PARD3: variants seen among roughly 807,000 people sequenced by gnomAD.
PARD3 encodes par-3 family cell polarity regulator, also known as partitioning defective 3 homolog.
A neutral mutation model predicts 155.4 loss-of-function variants in PARD3; 75 were observed. The observed-to-expected ratio is 0.48, with a 90% CI of 0.40 to 0.58. PARD3 has a LOEUF of 0.58. PARD3 is among the 20% of genes least tolerant of loss of function. The pLI, the probability that PARD3 is intolerant of heterozygous loss-of-function variation, is 0.00. For synonymous variants in PARD3, 576 were observed against 610.5 expected (o/e 0.94, Z 0.83); for missense variants, 1,642 against 1,721.7 (o/e 0.95, Z 0.82).
At chr10:34,120,149 C>T (rs1156637720) in intron 23 of PARD3, among the ~76,000 whole-genome samples, 3 of 149,004 alleles carry the variant, frequency 2.0e-5, no homozygotes, top group East Asian at 2.0e-4. Context: ...CCCGAGTAAC[C>T]GGGATTACAA....
At chr10:34,277,908 A>T (rs1272362973) in intron 21 of PARD3, among the ~76,000 whole-genome samples, 2 of 152,164 alleles carry the variant, frequency 1.3e-5, no homozygotes, top group Non-Finnish European at 2.9e-5. Flanking sequence ...CTAGTTTGCT[A>T]AATTATACAT....
At chr10:34,129,302 G>A (rs768298162) in intron 23 of PARD3, among the ~76,000 whole-genome samples, 2 of 152,086 alleles carry the variant, frequency 1.3e-5, no homozygotes, top group Non-Finnish European at 2.9e-5. Context: ...ACAGGCATGT[G>A]CCACCAGGAC....
At chr10:34,411,732 CTAGATAGATAGATAGATAGATAGATAGA>C (rs3040339) in intron 5 of PARD3, among the ~76,000 whole-genome samples, 1 of 148,100 alleles carries the variant, frequency 6.8e-6, no homozygotes, top group African/African-American at 2.5e-5. Context: ...ACATACATAT[CTAGATAGATAGATAGATAGATAGATAGA>C]TAGATAGATA....
rs752852156 is a variant in PARD3, at chr10:34,111,225, C to G, written c.4006G>C (p.Val1336Leu). 1.3e-4 allele frequency: 204 copies of G among 1,608,334 alleles called. No homozygotes were observed. The highest frequency in any genetic ancestry group is 6.6e-4 in the Middle Eastern group (4 of 6,036). ...GTCTGAAGTCTGTTCAGCCTCGCAA[C>G]CTGAGAAGGGGAGGGGGGCACATCT... Reference protein sequence around the residue: ...RQDVPPSPSQVARLNRLQTPE... With the variant: ...RQDVPPSPSQLARLNRLQTPE... The change falls in exon 25 of 25, where the codon GTT (valine) becomes CTT (leucine). Residue 1336 changes from valine (V) to leucine (L), a missense_variant. Physicochemically the swap from Val to Leu is conservative, Grantham distance 32. Transcript: ENST00000374788.
At chr10:34,643,904 G>GA (rs777618293) in intron 2 of PARD3, among the ~76,000 whole-genome samples, 4 of 152,160 alleles carry the variant, frequency 2.6e-5, no homozygotes, top group Non-Finnish European at 5.9e-5. Flanking sequence ...GCAACAGAGC[G>GA]AGACCCTGTC....
chr10:34,732,349 C>T (rs973231232), intron 1 of PARD3, among the ~76,000 whole-genome samples: 2 of 152,142 alleles, frequency 1.3e-5, no homozygotes, highest in Non-Finnish European at 2.9e-5. Context: ...TGTCCACCCC[C>T]ACCCATACAA....
At chr10:34,360,314 G>C in intron 12 of PARD3, 55 bp from the exon 13 acceptor site, 1 of 1,361,310 alleles carries the variant, frequency 7.3e-7, no homozygotes, top group Non-Finnish European at 1.0e-6. Flanking sequence ...CTTTCTCAAA[G>C]TTATTTTTAA....
chr10:34,350,471 T>C (rs2134393630), intron 14 of PARD3, among the ~76,000 whole-genome samples: 1 of 152,104 alleles, frequency 6.6e-6, no homozygotes, highest in East Asian at 1.9e-4. Context: ...CCAAATATAC[T>C]AAAAATACAA....
At chr10:34,711,998 C>T (rs898627504) in intron 1 of PARD3, among the ~76,000 whole-genome samples, 5 of 152,216 alleles carry the variant, frequency 3.3e-5, no homozygotes, top group African/African-American at 9.6e-5. Context: ...TGAATACCTT[C>T]GTCCTCACCT....
chr10:34,436,215 G>T (rs1168445770), intron 5 of PARD3, among the ~76,000 whole-genome samples: 1 of 152,148 alleles, frequency 6.6e-6, no homozygotes, highest in Non-Finnish European at 1.5e-5. Context: ...AGAGCAAGAA[G>T]AACCCAACTC....
intron 14 of PARD3, among the ~76,000 whole-genome samples, chr10:34,351,544 G>A (rs1228987638): frequency 1.3e-5 from 2 of 152,222 alleles, no homozygotes; most frequent in Non-Finnish European, 2.9e-5. Context: ...GGAGAGTGAA[G>A]GAAGATTTAG....
At chr10:34,717,220 T>C (rs2094534953) in intron 1 of PARD3, among the ~76,000 whole-genome samples, 1 of 152,124 alleles carries the variant, frequency 6.6e-6, no homozygotes, top group Admixed American at 6.5e-5. Flanking sequence ...ACTGCACAAG[T>C]CATTTCCTCT....
chr10:34,461,190 A>C (rs1266531961), intron 4 of PARD3, among the ~76,000 whole-genome samples: 1 of 152,242 alleles, frequency 6.6e-6, no homozygotes, highest in Non-Finnish European at 1.5e-5. Context: ...CTCCAGTTGC[A>C]GCAATCCATC....
chr10:34,368,400 C>T (rs1227763867), intron 12 of PARD3, among the ~76,000 whole-genome samples: 10 of 152,094 alleles, frequency 6.6e-5, no homozygotes, highest in African/African-American at 2.4e-4. Context: ...AGGCCGGGCG[C>T]GGTGGCTCAC....
At chr10:34,384,028 A>G (rs1174269651) in intron 8 of PARD3, 101 bp downstream of exon 8, 9 of 1,188,296 alleles carry the variant, frequency 7.6e-6, no homozygotes, top group Non-Finnish European at 1.1e-5. Context: ...CCTCTCCAGT[A>G]TACAGACTGA....
At chr10:34,809,616 G>A (rs369990816) in intron 1 of PARD3, among the ~76,000 whole-genome samples, 1 of 152,202 alleles carries the variant, frequency 6.6e-6, no homozygotes, top group East Asian at 1.9e-4. Flanking sequence ...GAGTCCCAGG[G>A]GGTGGAGCAG....
chr10:34,305,492 T>C (rs1385593422), intron 20 of PARD3, among the ~76,000 whole-genome samples: 1 of 152,188 alleles, frequency 6.6e-6, no homozygotes, highest in Non-Finnish European at 1.5e-5. Context: ...AGAAACAGAA[T>C]CTTACACAAC....
chr10:34,145,621 T>C (rs1171167608), intron 22 of PARD3, among the ~76,000 whole-genome samples: 1 of 152,170 alleles, frequency 6.6e-6, no homozygotes, highest in Non-Finnish European at 1.5e-5. Flanking sequence ...ATTTACTCAA[T>C]AATCCTTTCA....
chr10:34,799,827 C>CA (rs144788568), intron 1 of PARD3, among the ~76,000 whole-genome samples: 53,143 of 140,918 alleles, frequency 0.38, 10,782 homozygotes, highest in African/African-American at 0.58. Flanking sequence ...CTCATCTCTA[C>CA]AAAAAAAAAA....
Sources: gnomAD v4.1 joint callset for allele counts (sites outside exome capture counted in the v4.1 genomes callset) on GRCh38, gnomAD v4.1.1 for gene constraint, MANE v1.5 for transcripts, NCBI Gene and HGNC (gene_info 2026-07-23, HGNC 2026-07-21) for gene names.